The following EYS variants were observed in gnomAD, a reference collection of about 807,000 sequenced individuals.
The protein encoded by EYS is protein eyes shut homolog.
A neutral mutation model predicts 282.1 loss-of-function variants in EYS; 250 were observed. The ratio of observed to expected loss-of-function variants is 0.89; its 90% CI spans 0.80 to 0.98. The LOEUF is 0.98. Ranked by LOEUF, EYS falls within the 50% of genes least tolerant of loss-of-function variation. EYS has a pLI of 0.00. For missense variants in EYS, 4,016 were observed against 3,709.0 expected (o/e 1.08, Z -2.15); for synonymous variants, 1,355 against 1,282.9 (o/e 1.06, Z -1.20).
At chr6:64,100,794 G>T (rs1036393263) in intron 31 of EYS, among the ~76,000 whole-genome samples, 7 of 152,120 alleles carry the variant, frequency 4.6e-5, no homozygotes, top group Admixed American at 1.3e-4. Flanking sequence ...AGGGTAGGGG[G>T]TGGTTACTTA....
chr6:65,576,603 A>C (rs1054548406), intron 2 of EYS, among the ~76,000 whole-genome samples: 1 of 151,934 alleles, frequency 6.6e-6, no homozygotes, highest in African/African-American at 2.4e-5. Context: ...AGAAAGAAAT[A>C]AAATGCATCC....
chr6:64,917,426 T>C (rs1223921470), intron 15 of EYS, among the ~76,000 whole-genome samples: 1 of 152,214 alleles, frequency 6.6e-6, no homozygotes, highest in Non-Finnish European at 1.5e-5. Context: ...TATAGGCTTT[T>C]TTGGCTCTAA....
rs1768623410 is a variant in EYS at position 63,726,547 on chromosome 6, A to G, written c.8205T>C (p.Tyr2735=). 5.8e-6 allele frequency: 9 copies of G among 1,551,198 alleles called. No homozygotes were observed. Among genetic ancestry groups the G allele is most frequent in the Non-Finnish European group, 7.8e-6 (9 of 1,146,776 alleles). The change falls in exon 42 of 43, where the codon TAT becomes TAC. Residue 2735 remains tyrosine (Y), a synonymous_variant. Coordinates refer to ENST00000503581, the MANE Select transcript of EYS (RefSeq NM_001142800.2). ...QPLAADGILF[Y]AAQHLKAQSG... ...ATTGGGCTTTTAAGTGTTGTGCAGCATAAAATAGGATACCATCTGCAGCGA... is the reference window on the plus strand; with the variant it reads ...ATTGGGCTTTTAAGTGTTGTGCAGCGTAAAATAGGATACCATCTGCAGCGA...
In EYS at chr6:64,590,717, A is replaced by T; in HGVS notation, c.5150T>A (p.Leu1717Gln). 6.4e-7 allele frequency: 1 copy of T among 1,551,122 alleles called. No individual in the cohort carries two copies. Among genetic ancestry groups the T allele is most frequent in the Non-Finnish European group, 8.7e-7 (1 of 1,146,556 alleles). ...YGITMGPTEV[L>Q]NQESLLDMEK... ...CATGTCCAATAAGCTCTCTTGATTT[A>T]GTACCTCAGTGGGTCCCATAGTTAT... is the stretch of plus-strand genomic sequence containing the variant. The change falls in exon 26 of 43, where the codon CTA (leucine) becomes CAA (glutamine). Residue 1717 changes from leucine to glutamine, a missense_variant. By Grantham distance (113) the Leu-to-Gln change is moderately radical. Coordinates refer to ENST00000503581, the MANE Select transcript of EYS (RefSeq NM_001142800.2).
intron 29 of EYS, among the ~76,000 whole-genome samples, chr6:64,369,257 G>A (rs1412232733): frequency 2.6e-5 from 4 of 151,912 alleles, no homozygotes; most frequent in South Asian, 2.1e-4. Flanking sequence ...CTGGGCTCTC[G>A]ATTTTGTTCC....
chr6:64,720,240 T>C (rs1771532113), intron 22 of EYS, among the ~76,000 whole-genome samples: 1 of 152,186 alleles, frequency 6.6e-6, no homozygotes, highest in Non-Finnish European at 1.5e-5. Flanking sequence ...CATCTTCACA[T>C]CCTTCTCTAA....
chr6:65,520,333 G>A (rs9342483), intron 2 of EYS, among the ~76,000 whole-genome samples: 59,832 of 151,940 alleles, frequency 0.39, 12,230 homozygotes, highest in African/African-American at 0.5. Context: ...TAGACATTTA[G>A]AAATGTGTTT....
intron 35 of EYS, among the ~76,000 whole-genome samples, chr6:63,921,676 A>T (rs1464828803): frequency 6.6e-6 from 1 of 152,200 alleles, no homozygotes; most frequent in African/African-American, 2.4e-5. Flanking sequence ...CCTCACAGGG[A>T]TGATGTAAAG....
intron 26 of EYS, among the ~76,000 whole-genome samples, chr6:64,476,603 C>T (rs1282387510): frequency 1.3e-5 from 2 of 152,094 alleles, no homozygotes; most frequent in South Asian, 2.1e-4. Flanking sequence ...TTTCTGGATC[C>T]TCACTGCTCT....
At chr6:63,855,774 G>A (rs1772374618) in intron 36 of EYS, among the ~76,000 whole-genome samples, 2 of 152,140 alleles carry the variant, frequency 1.3e-5, no homozygotes, top group Non-Finnish European at 1.5e-5. Flanking sequence ...AGAAGATGGG[G>A]GCTATTGGGT....
intron 28 of EYS, among the ~76,000 whole-genome samples, chr6:64,392,776 T>C (rs1435055281): frequency 6.7e-6 from 1 of 149,374 alleles, no homozygotes; most frequent in African/African-American, 2.5e-5. Flanking sequence ...ATAACTAAAA[T>C]CAGAGCAGAA....
At chr6:64,927,581 G>T (rs1231394586) in intron 15 of EYS, among the ~76,000 whole-genome samples, 1 of 151,998 alleles carries the variant, frequency 6.6e-6, no homozygotes. Flanking sequence ...CACTGATTTG[G>T]CAAGGAGTTA....
At chr6:64,002,289 A>G (rs755404571) in intron 33 of EYS, among the ~76,000 whole-genome samples, 3 of 152,124 alleles carry the variant, frequency 2.0e-5, no homozygotes, top group Non-Finnish European at 2.9e-5. Flanking sequence ...AGCCACCTCC[A>G]CCACTCAATA....
chr6:64,947,651 T>A (rs953562074), intron 14 of EYS, among the ~76,000 whole-genome samples: 1 of 146,232 alleles, frequency 6.8e-6, no homozygotes, highest in Non-Finnish European at 1.5e-5. Context: ...GGCTTATTTT[T>A]TCTTTTTTTT....
chr6:64,520,086 T>C lies in EYS; in HGVS notation c.5644+70137A>G, dbSNP rs1389846721. ...AAGGAGGAGAAACAGGTTTGTGCTG[T>C]CCTAGATCCTGGCTAAGAGGTTCAC... On this transcript the variant is annotated intron_variant, in intron 26 of 42. Transcript: ENST00000503581. Among the ~76,000 whole-genome samples, 4 of 151,918 alleles carry C rather than the reference T, an allele frequency of 2.6e-5. No homozygotes were observed. The South Asian group carries it at 6.2e-4, about 24-fold the overall frequency.
At chr6:65,658,907 T>G (rs2149823987) in intron 1 of EYS, among the ~76,000 whole-genome samples, 1 of 148,190 alleles carries the variant, frequency 6.7e-6, no homozygotes, top group African/African-American at 2.5e-5. Flanking sequence ...AAAAATGATC[T>G]TTAAACCTTT....
intron 22 of EYS, among the ~76,000 whole-genome samples, chr6:64,692,118 C>T (rs1770408534): frequency 6.6e-6 from 1 of 152,086 alleles, no homozygotes; most frequent in Non-Finnish European, 1.5e-5. Flanking sequence ...ATTCTCATCA[C>T]CAGTAAATAA....
chr6:64,584,849 T>C (rs1463401663), intron 26 of EYS, among the ~76,000 whole-genome samples: 2 of 152,150 alleles, frequency 1.3e-5, no homozygotes, highest in Non-Finnish European at 2.9e-5. Flanking sequence ...TTTTAGTTAA[T>C]GTACTATAAA....
chr6:63,968,205 A>G (rs945722048), intron 35 of EYS, among the ~76,000 whole-genome samples: 1 of 152,196 alleles, frequency 6.6e-6, no homozygotes, highest in African/African-American at 2.4e-5. Context: ...TTTTTCTAGG[A>G]ATATTCTGTG....
Sources: gnomAD v4.1 joint callset for allele counts (sites outside exome capture counted in the v4.1 genomes callset) on GRCh38, gnomAD v4.1.1 for gene constraint, MANE v1.5 for transcripts, NCBI Gene and HGNC (gene_info 2026-07-23, HGNC 2026-07-21) for gene names.